Variants in TEX10 observed in about 807,000 individuals in gnomAD.
TEX10 encodes testis expressed 10, also known as testis-expressed protein 10.
In TEX10, 24 loss-of-function variants were observed where a neutral mutation model predicts 104.4. The observed-to-expected ratio is 0.23, with a 90% CI of 0.17 to 0.32. The LOEUF (loss-of-function observed/expected upper bound fraction) is 0.32. TEX10 is among the 10% of genes least tolerant of loss of function. TEX10 has a pLI of 1.00. For missense variants in TEX10, 921 were observed against 1,083.9 expected, an observed-to-expected ratio of 0.85 and a Z score of 2.11; for synonymous variants, 396 against 393.4, an observed-to-expected ratio of 1.01 and a Z score of -0.08.
Position 100,303,709 on chromosome 9 carries a change from G to T in TEX10, c.2599C>A (p.Leu867Met). 1 of 1,614,130 alleles carries T rather than the reference G, an allele frequency of 6.2e-7. No individual in the cohort carries two copies. Among genetic ancestry groups the T allele is most frequent in the Non-Finnish European group, 8.5e-7 (1 of 1,180,038 alleles). The change falls in exon 14 of 15, where the codon CTG becomes ATG. Residue 867 changes from leucine (L) to methionine (M), a missense_variant. By Grantham distance (15) the Leu-to-Met change is conservative. Coordinates refer to ENST00000374902, the MANE Select transcript of TEX10 (RefSeq NM_017746.4). Reference protein sequence around the residue: ...LPVVGQLLRLLLQHAPLRTHM... With the variant: ...LPVVGQLLRLMLQHAPLRTHM... ...GTCCTGAGGGGTGCATGCTGAAGCA[G>T]CAGTCGAAGCAGCTGGCCCACAACA... is the stretch of plus-strand genomic sequence containing the variant.
intron 5 of TEX10, among the ~76,000 whole-genome samples, chr9:100,339,274 A>ATATAT (rs1835101688): frequency 1.1e-5 from 1 of 91,702 alleles, no homozygotes; most frequent in Admixed American, 1.2e-4. Context: ...AAAAAAAAAA[A>ATATAT]GTATATATAT....
chr9:100,327,967 G>C lies in TEX10; in HGVS notation c.1626-5C>G. ...GATAACACTTTACTACGATATCTTA[G>C]AAAGGCCAAAGAAGAATAAAATGTA... is the stretch of plus-strand genomic sequence containing the variant. On this transcript the variant is annotated splice_polypyrimidine_tract_variant and splice_region_variant and intron_variant, in intron 7 of 14. Coordinates refer to ENST00000374902, the MANE Select transcript of TEX10 (RefSeq NM_017746.4). 1 of 1,533,062 alleles carries C rather than the reference G, an allele frequency of 6.5e-7. No individual in the cohort carries two copies. Among genetic ancestry groups the C allele is most frequent in the Non-Finnish European group, 8.9e-7 (1 of 1,127,714 alleles). 95.0% of individuals were successfully genotyped at this position (1,533,062 alleles called of 1,614,324 possible).
At chr9:100,305,549 T>G (rs964057915) in intron 13 of TEX10, 3 of 152,210 alleles carry the variant, frequency 2.0e-5, no homozygotes, top group African/African-American at 7.2e-5. Context: ...GTTACTCCTG[T>G]AATAATCAAA....
chr9:100,325,730 C>T (rs757746298), intron 9 of TEX10, among the ~76,000 whole-genome samples: 1 of 152,098 alleles, frequency 6.6e-6, no homozygotes, highest in Non-Finnish European at 1.5e-5. Flanking sequence ...GGGGTTTCAC[C>T]ATGCTGGCCA....
At chr9:100,345,648 T>C (rs1430728928) in intron 4 of TEX10, among the ~76,000 whole-genome samples, 1 of 152,244 alleles carries the variant, frequency 6.6e-6, no homozygotes, top group Admixed American at 6.5e-5. Context: ...AGTCTGATCA[T>C]GAGCTCTTCA....
At chr9:100,326,523 T>C (rs1291032765) in intron 8 of TEX10, 44 bp from the exon 9 acceptor site, 1 of 1,548,940 alleles carries the variant, frequency 6.5e-7, no homozygotes, top group Non-Finnish European at 8.7e-7. Context: ...ATAAAAGACA[T>C]GCAAACCAGA....
chr9:100,329,069 A>G, intron 7 of TEX10, 71 bp downstream of exon 7: 1 of 1,416,434 alleles, frequency 7.1e-7, no homozygotes, highest in Non-Finnish European at 9.5e-7. Context: ...TCTCTCTAAA[A>G]TTATTTAAAT....
chr9:100,352,612 C>G, intron 1 of TEX10, 160 bp downstream of exon 1: 1 of 1,481,604 alleles, frequency 6.7e-7, no homozygotes, highest in Non-Finnish European at 8.9e-7. Context: ...GGCCGCACAC[C>G]CAGGCCCAGC....
At position 100,340,264 on chromosome 9, in the gene TEX10, T is replaced by C; in HGVS notation, c.1243A>G (p.Asn415Asp). 2 of 1,549,088 alleles carry C rather than the reference T, an allele frequency of 1.3e-6. No individual in the cohort carries two copies. Among genetic ancestry groups the C allele is most frequent in the Non-Finnish European group, 8.7e-7 (1 of 1,152,998 alleles). ...GAAAAAGAATCATAATACCTTTTAT[T>C]TGGCTCTTTCCTTTTGTGCTTGGTT... Reference protein sequence around the residue: ...EITKHKRKEPNKSIKHCTVLS... With the variant: ...EITKHKRKEPDKSIKHCTVLS... Residue 415 changes from asparagine to aspartate, a missense_variant, in exon 5 of 15, where the codon AAT (asparagine) becomes GAT (aspartate). By Grantham distance (23) the Asn-to-Asp change is conservative. Transcript: ENST00000374902.
intron 14 of TEX10, among the ~76,000 whole-genome samples, chr9:100,302,567 T>C (rs911577436): frequency 5.3e-5 from 8 of 152,160 alleles, no homozygotes; most frequent in African/African-American, 1.7e-4. Context: ...ACTAATGAAA[T>C]TTCACCACCA....
chr9:100,303,584 T>C, intron 14 of TEX10, 48 bp downstream of exon 14: 1 of 1,598,648 alleles, frequency 6.3e-7, no homozygotes, highest in Non-Finnish European at 8.6e-7. Context: ...CCGTCATAAA[T>C]TCATTCTTAT....
intron 2 of TEX10, among the ~76,000 whole-genome samples, chr9:100,347,657 C>T (rs1202716088): frequency 6.6e-6 from 1 of 152,146 alleles, no homozygotes; most frequent in Non-Finnish European, 1.5e-5. Flanking sequence ...GGCTTAGGCG[C>T]TCTATGATAT....
chr9:100,349,793 G>A (rs906444522), intron 1 of TEX10, among the ~76,000 whole-genome samples: 1 of 152,106 alleles, frequency 6.6e-6, no homozygotes, highest in Non-Finnish European at 1.5e-5. Context: ...ACCAAACAAA[G>A]TTGGAAAACC....
At chr9:100,331,551 G>T (rs780132073) in intron 5 of TEX10, among the ~76,000 whole-genome samples, 4 of 152,196 alleles carry the variant, frequency 2.6e-5, no homozygotes, top group Non-Finnish European at 5.9e-5. Flanking sequence ...ACAGTAGTGA[G>T]GAACCACAAA....
intron 2 of TEX10, among the ~76,000 whole-genome samples, chr9:100,348,435 AGCTGTTAGATTC>A (rs1835355752): frequency 1.3e-5 from 2 of 152,216 alleles, no homozygotes; most frequent in African/African-American, 2.4e-5. Context: ...ATCTCCATAA[AGCTGTTAGATTC>A]TTAAGCAACA....
At chr9:100,341,372 T>C (rs749202218) in intron 4 of TEX10, among the ~76,000 whole-genome samples, 2 of 152,236 alleles carry the variant, frequency 1.3e-5, no homozygotes, top group African/African-American at 2.4e-5. Flanking sequence ...CATTTCTGCC[T>C]GAGCTCCAGA....
intron 11 of TEX10, among the ~76,000 whole-genome samples, chr9:100,319,362 T>C (rs1293583117): frequency 6.6e-6 from 1 of 152,230 alleles, no homozygotes; most frequent in East Asian, 1.9e-4. Flanking sequence ...TCTCTAAGAT[T>C]TACTTCAATT....
chr9:100,325,386 G>A (rs1834680579), intron 9 of TEX10, among the ~76,000 whole-genome samples: 3 of 152,192 alleles, frequency 2.0e-5, no homozygotes, highest in African/African-American at 7.2e-5. Context: ...CAGCCGCTAT[G>A]GAAAATGGCA....
At chr9:100,351,509 T>C (rs971899174) in intron 1 of TEX10, among the ~76,000 whole-genome samples, 4 of 152,180 alleles carry the variant, frequency 2.6e-5, no homozygotes, top group Admixed American at 6.5e-5. Context: ...GCACACTTTG[T>C]GAGCTTTTCC....
Sources: allele counts gnomAD v4.1 joint callset (sites outside exome capture counted in the v4.1 genomes callset), GRCh38; gene constraint gnomAD v4.1.1; transcripts MANE v1.5; gene names NCBI Gene and HGNC (gene_info 2026-07-23, HGNC 2026-07-21).